The following TRIM66 variants were observed in gnomAD, a reference collection of about 807,000 sequenced individuals.
TRIM66 encodes tripartite motif containing 66.
TRIM66 carries 99 observed loss-of-function variants against 148.2 expected under a neutral mutation model. The observed-to-expected ratio is 0.67, with a 90% CI of 0.57 to 0.79. The LOEUF (loss-of-function observed/expected upper bound fraction) is 0.79, where lower values mean the gene tolerates loss of function less well. Among genes scored for constraint, TRIM66 ranks in the 30% least tolerant of loss-of-function variants. TRIM66 has a pLI of 0.00. For synonymous variants in TRIM66, 616 were observed against 635.9 expected (o/e 0.97, Z 0.47); for missense variants, 1,666 against 1,697.9 (o/e 0.98, Z 0.33).
chr11:8,663,454 CTAA>C (rs1482556913), intron 6 of TRIM66, among the ~76,000 whole-genome samples: 2 of 152,030 alleles, frequency 1.3e-5, no homozygotes, highest in Admixed American at 6.5e-5. Context: ...TTAACAATAA[CTAA>C]TAATAAAATA....
At chr11:8,628,798 TTCTC>T (rs2035120557) in intron 15 of TRIM66, among the ~76,000 whole-genome samples, 1 of 151,946 alleles carries the variant, frequency 6.6e-6, no homozygotes, top group South Asian at 2.1e-4. Flanking sequence ...CATGAGCTCC[TTCTC>T]TCTCTTCCTG....
At chr11:8,622,166 C>T (rs1056318288) in intron 18 of TRIM66, among the ~76,000 whole-genome samples, 3 of 151,340 alleles carry the variant, frequency 2.0e-5, no homozygotes, top group South Asian at 2.1e-4. Flanking sequence ...CCTTGAACAT[C>T]GGACTCCAAG....
intron 22 of TRIM66, 88 bp downstream of exon 22, chr11:8,619,962 A>G: frequency 1.7e-6 from 2 of 1,208,166 alleles, no homozygotes; most frequent in Non-Finnish European, 1.2e-6. Flanking sequence ...GACTCTAGAA[A>G]AACAGGGGTT....
chr11:8,665,765 C>T (rs1161794076), intron 6 of TRIM66, among the ~76,000 whole-genome samples: 15 of 151,910 alleles, frequency 9.9e-5, no homozygotes, highest in Non-Finnish European at 4.4e-5. Context: ...CTGGCTAACA[C>T]GGTGAAATCC....
Position 8,622,948 on chromosome 11 carries a change from C to A in TRIM66, c.3020-72G>T. ...CAAACCCCGTCATGCATATCTTCTACTTATATCTGCTATTCATACCTTTGG... is the reference window on the plus strand; with the variant it reads ...CAAACCCCGTCATGCATATCTTCTAATTATATCTGCTATTCATACCTTTGG... On this transcript the variant is annotated intron_variant, in intron 17 of 24. Coordinates refer to ENST00000646038, the MANE Select transcript of TRIM66 (RefSeq NM_001388022.1). 6 of 1,272,076 alleles carry A rather than the reference C, an allele frequency of 4.7e-6. No individual in the cohort carries two copies. In the South Asian group the frequency reaches 7.7e-5, roughly 16 times the overall value. 78.8% of individuals were successfully genotyped at this position (1,272,076 alleles called of 1,614,324 possible).
chr11:8,619,271 C>T, intron 23 of TRIM66, 112 bp downstream of exon 23: 3 of 1,260,678 alleles, frequency 2.4e-6, no homozygotes, highest in Non-Finnish European at 3.2e-6. Flanking sequence ...CCAGAATCTG[C>T]TCCCCAGTCC....
chr11:8,629,932 AC>A (rs2141959329), intron 15 of TRIM66, among the ~76,000 whole-genome samples: 1 of 152,332 alleles, frequency 6.6e-6, no homozygotes, highest in South Asian at 2.1e-4. Context: ...CCCCATTTTT[AC>A]AGGCTATGCA....
intron 9 of TRIM66, 73 bp downstream of exon 9, chr11:8,648,343 G>C: frequency 1.3e-6 from 2 of 1,519,294 alleles, no homozygotes; most frequent in Non-Finnish European, 1.8e-6. Context: ...GATGCACGGG[G>C]ATTCCCAGAG....
At chr11:8,648,656 A>G in intron 8 of TRIM66, 108 bp from the exon 9 acceptor site, 1 of 1,329,262 alleles carries the variant, frequency 7.5e-7, no homozygotes, top group Non-Finnish European at 1.0e-6. Flanking sequence ...GCAGAAATAC[A>G]GAGCTCGGGG....
chr11:8,620,951 T>C, intron 20 of TRIM66, 81 bp downstream of exon 20: 1 of 1,479,610 alleles, frequency 6.8e-7, no homozygotes, highest in Non-Finnish European at 9.0e-7. Context: ...TCCTGGGAGC[T>C]CTGTGGGCCT....
chr11:8,677,159 C>T (rs2039214669), intron 3 of TRIM66, among the ~76,000 whole-genome samples: 1 of 152,042 alleles, frequency 6.6e-6, no homozygotes, highest in African/African-American at 2.4e-5. Flanking sequence ...AACAAATTAT[C>T]ATAAAAATAA....
chr11:8,641,624 G>A (rs886554042), intron 13 of TRIM66, among the ~76,000 whole-genome samples: 2 of 152,142 alleles, frequency 1.3e-5, no homozygotes, highest in African/African-American at 2.4e-5. Context: ...TAGGACGGAA[G>A]AGAGTGGGGA....
In TRIM66 at chr11:8,618,983, GA is replaced by G; in HGVS notation, c.3901-16del. On this transcript the variant is annotated splice_polypyrimidine_tract_variant and intron_variant, in intron 23 of 24. Transcript: ENST00000646038. ...TCGGAGTCAGGCTGATGGGGGAGGAGAGCAGTGATGGTCTAGCCTGTTTCTA... is the reference window on the plus strand; with the variant it reads ...TCGGAGTCAGGCTGATGGGGGAGGAGGCAGTGATGGTCTAGCCTGTTTCTA... The G allele has an allele frequency of 5.8e-6, 9 of 1,548,802 alleles. No homozygotes were observed. Among genetic ancestry groups the G allele is most frequent in the Non-Finnish European group, 7.9e-6 (9 of 1,144,678 alleles).
At chr11:8,665,106 C>A (rs1449807798) in intron 6 of TRIM66, among the ~76,000 whole-genome samples, 1 of 151,504 alleles carries the variant, frequency 6.6e-6, no homozygotes, top group African/African-American at 2.4e-5. Flanking sequence ...CCGGCTCCCA[C>A]ATTTTACTTT....
rs1333189541 is a variant in TRIM66 at position 8,640,691 on chromosome 11, G to C, written c.1684C>G (p.Gln562Glu). ...TSQPVCIVPP[Q>E]DVQQGAHAQP... ...GCATGGGCTCCTTGCTGAACATCCT[G>C]TGGGGGGACAATGCACACGGGCTGG... The change falls in exon 14 of 25, where the codon CAG (glutamine) becomes GAG (glutamate). Residue 562 changes from glutamine (Q) to glutamate (E), a missense_variant. Gln to Glu is a conservative substitution (Grantham distance 29). Coordinates refer to ENST00000646038, the MANE Select transcript of TRIM66 (RefSeq NM_001388022.1). 4.5e-6 allele frequency: 7 copies of C among 1,551,688 alleles called. No individual in the cohort carries two copies. The Admixed American group carries it at 5.9e-5, about 13-fold the overall frequency.
At chr11:8,649,375 T>C (rs1160451748) in intron 8 of TRIM66, among the ~76,000 whole-genome samples, 4 of 151,942 alleles carry the variant, frequency 2.6e-5, no homozygotes, top group African/African-American at 7.3e-5. Flanking sequence ...ATAAAACAGA[T>C]GGTGCTGGGT....
chr11:8,662,020 G>T (rs954507191), intron 6 of TRIM66, among the ~76,000 whole-genome samples: 7 of 152,196 alleles, frequency 4.6e-5, no homozygotes, highest in Non-Finnish European at 8.8e-5. Context: ...GGGTGCCAGT[G>T]CTATTCCCAG....
chr11:8,653,735 T>C lies in TRIM66; in HGVS notation c.341-1832A>G, dbSNP rs190333790. Reference sequence around the variant, plus strand: ...AGCTAACTGATACATCCCAGGAAAATAGAAATCCACAAAATCATGAAAAAT... The same window carrying C: ...AGCTAACTGATACATCCCAGGAAAACAGAAATCCACAAAATCATGAAAAAT... On this transcript the variant is annotated intron_variant, in intron 6 of 24. Transcript: ENST00000646038. 4.2e-3 allele frequency among the ~76,000 whole-genome samples: 633 copies of C among 148,964 alleles called. 3 individuals carry two copies. Among genetic ancestry groups the C allele is most frequent in the African/African-American group, 0.015 (591 of 40,064 alleles).
chr11:8,666,959 G>T (rs2038640080), intron 6 of TRIM66, among the ~76,000 whole-genome samples: 1 of 152,002 alleles, frequency 6.6e-6, no homozygotes, highest in African/African-American at 2.4e-5. Flanking sequence ...TGCCACCACT[G>T]GTACCTGCCA....
Sources: gnomAD v4.1 joint callset for allele counts (sites outside exome capture counted in the v4.1 genomes callset) on GRCh38, gnomAD v4.1.1 for gene constraint, MANE v1.5 for transcripts, NCBI Gene and HGNC (gene_info 2026-07-23, HGNC 2026-07-21) for gene names.